The following CSMD1 variants were observed in gnomAD, a reference collection of about 807,000 sequenced individuals.
The protein encoded by CSMD1 is CUB and Sushi multiple domains 1.
CSMD1 carries 213 observed loss-of-function variants against 417.5 expected under a neutral mutation model. The observed-to-expected ratio is 0.51, with a 90% confidence interval of 0.46 to 0.57. CSMD1 has a LOEUF of 0.57. Ranked by LOEUF, CSMD1 falls within the 20% of genes least tolerant of loss-of-function variation. The probability of loss-of-function intolerance (pLI) is 0.00; values close to 1 mark genes in which losing one functional copy is unlikely to be tolerated. For missense variants in CSMD1, 6,923 were observed against 4,529.7 expected (o/e 1.53, Z -15.17); for synonymous variants, 2,862 against 1,736.8 (o/e 1.65, Z -16.11).
chr8:4,366,101 A>C (rs1370727), intron 3 of CSMD1, among the ~76,000 whole-genome samples: 103,666 of 151,778 alleles, frequency 0.68, 36,206 homozygotes, highest in African/African-American at 0.85. Context: ...CTCAGGTAGT[A>C]CCCGGCACCT....
Position 4,177,850 on chromosome 8 carries a change from G to A in CSMD1, c.416-145751C>T, listed in dbSNP as rs1042868526. ...TCTATAAGAAATGGATAAATTCCTC[G>A]ACACATACACTCTCCCAAGACTAAA... On this transcript the variant is annotated intron_variant, in intron 3 of 69. Coordinates refer to ENST00000635120, the MANE Select transcript of CSMD1 (RefSeq NM_033225.6). Among the ~76,000 whole-genome samples the A allele has an allele frequency of 6.1e-4, 93 of 151,520 alleles. 1 individual carries two copies. The highest frequency in any genetic ancestry group is 1.4e-3 in the Admixed American group (21 of 15,170).
intron 3 of CSMD1, among the ~76,000 whole-genome samples, chr8:4,388,285 T>C (rs1803602871): frequency 7.0e-6 from 1 of 143,508 alleles, no homozygotes; most frequent in Non-Finnish European, 1.5e-5. Flanking sequence ...ATCAAACAAG[T>C]GGATAAAGAA....
intron 5 of CSMD1, among the ~76,000 whole-genome samples, chr8:3,843,592 T>C (rs984082241): frequency 1.3e-5 from 2 of 152,004 alleles, no homozygotes; most frequent in Admixed American, 1.3e-4. Context: ...CAGTTGGAAG[T>C]TTAATATTTG....
intron 46 of CSMD1, among the ~76,000 whole-genome samples, chr8:3,100,012 G>C (rs1273296452): frequency 1.3e-5 from 2 of 151,654 alleles, no homozygotes; most frequent in African/African-American, 2.4e-5. Context: ...ATTCATGTGG[G>C]GTTTTTTGGT....
chr8:3,640,637 G>A (rs867692603), intron 7 of CSMD1, among the ~76,000 whole-genome samples: 23 of 152,310 alleles, frequency 1.5e-4, no homozygotes, highest in African/African-American at 5.1e-4. Flanking sequence ...GTCCTGCTAC[G>A]TAAATTAGAT....
chr8:3,471,196 C>G (rs888564179), intron 11 of CSMD1, among the ~76,000 whole-genome samples: 2 of 152,190 alleles, frequency 1.3e-5, no homozygotes, highest in African/African-American at 4.8e-5. Context: ...TTTTTCCACA[C>G]TTTAACAGCT....
intron 1 of CSMD1, among the ~76,000 whole-genome samples, chr8:4,923,708 T>C (rs1230576455): frequency 3.9e-5 from 6 of 152,118 alleles, no homozygotes; most frequent in Admixed American, 3.3e-4. Flanking sequence ...TATCAGTGCT[T>C]GGGAGTTAGC....
At chr8:4,459,266 T>C (rs1254430809) in intron 2 of CSMD1, among the ~76,000 whole-genome samples, 1 of 152,220 alleles carries the variant, frequency 6.6e-6, no homozygotes, top group Non-Finnish European at 1.5e-5. Flanking sequence ...GTCAAAATGC[T>C]GCAGTTCCTG....
intron 3 of CSMD1, among the ~76,000 whole-genome samples, chr8:4,331,098 T>A (rs903078068): frequency 2.0e-5 from 3 of 152,194 alleles, no homozygotes; most frequent in African/African-American, 7.2e-5. Context: ...CAACTACATA[T>A]AATAGCAAAA....
chr8:3,181,247 C>G, intron 36 of CSMD1, 33 bp from the exon 37 acceptor site: 1 of 1,355,084 alleles, frequency 7.4e-7, no homozygotes. Flanking sequence ...AATTGTAACA[C>G]TACAAATACA....
At chr8:3,959,057 A>G (rs546332005) in intron 5 of CSMD1, among the ~76,000 whole-genome samples, 57 of 152,236 alleles carry the variant, frequency 3.7e-4, no homozygotes, top group Admixed American at 9.8e-4. Context: ...CCTACTCCCC[A>G]GCACCATGTT....
chr8:4,949,714 G>C (rs932377901), intron 1 of CSMD1, among the ~76,000 whole-genome samples: 2 of 152,124 alleles, frequency 1.3e-5, no homozygotes, highest in Admixed American at 6.6e-5. Context: ...GGGATCATTT[G>C]GGTTACAGTT....
At chr8:4,187,057 T>C (rs889610461) in intron 3 of CSMD1, among the ~76,000 whole-genome samples, 1 of 152,150 alleles carries the variant, frequency 6.6e-6, no homozygotes, top group African/African-American at 2.4e-5. Context: ...CATATAAATG[T>C]TTGCTCAAAT....
intron 5 of CSMD1, among the ~76,000 whole-genome samples, chr8:3,883,415 T>C (rs1217760765): frequency 6.6e-6 from 1 of 152,146 alleles, no homozygotes; most frequent in Admixed American, 6.6e-5. Context: ...TGTGTGTATA[T>C]ATGTATGTGT....
intron 37 of CSMD1, among the ~76,000 whole-genome samples, chr8:3,174,613 T>C (rs959742062): frequency 6.6e-6 from 1 of 152,226 alleles, no homozygotes; most frequent in African/African-American, 2.4e-5. Flanking sequence ...ACTAAGAGCT[T>C]ATCTCTCTTA....
chr8:3,347,213 T>C (rs1808070562), intron 22 of CSMD1, among the ~76,000 whole-genome samples: 1 of 152,240 alleles, frequency 6.6e-6, no homozygotes, highest in Non-Finnish European at 1.5e-5. Context: ...GCATTAGCTC[T>C]TGTTTCTTGA....
At position 3,173,022 on chromosome 8, in the gene CSMD1, AC is replaced by A. The variant is rs1182992786; in HGVS notation, c.5725+8087del. 3.3e-5 allele frequency among the ~76,000 whole-genome samples: 5 copies of A among 152,192 alleles called. No individual in the cohort carries two copies. The East Asian group carries it at 7.7e-4, about 24-fold the overall frequency. ...GTGATTGTAGGATAAGTCCACCCCTACCCCTGCCTTGTCAAATACATTAGAA... is the reference window on the plus strand; with the variant it reads ...GTGATTGTAGGATAAGTCCACCCCTACCCTGCCTTGTCAAATACATTAGAA... On this transcript the variant is annotated intron_variant, in intron 37 of 69. Coordinates refer to ENST00000635120, the MANE Select transcript of CSMD1 (RefSeq NM_033225.6).
chr8:4,044,815 A>G (rs1266727045), intron 3 of CSMD1, among the ~76,000 whole-genome samples: 8 of 152,246 alleles, frequency 5.3e-5, no homozygotes, highest in Non-Finnish European at 1.2e-4. Flanking sequence ...GATGTGAACC[A>G]TCCTCGATGA....
At chr8:3,553,245 A>G (rs970083778) in intron 10 of CSMD1, among the ~76,000 whole-genome samples, 9 of 152,220 alleles carry the variant, frequency 5.9e-5, no homozygotes, top group Non-Finnish European at 1.2e-4. Flanking sequence ...GCTTTCAGTA[A>G]TGTAGCCATA....
Sources: allele counts gnomAD v4.1 joint callset (sites outside exome capture counted in the v4.1 genomes callset), GRCh38; gene constraint gnomAD v4.1.1; transcripts MANE v1.5; gene names NCBI Gene and HGNC (gene_info 2026-07-23, HGNC 2026-07-21).